Variants in KDM4B observed in about 807,000 individuals in gnomAD.
KDM4B encodes lysine demethylase 4B.
A neutral mutation model predicts 125.2 loss-of-function variants in KDM4B; 32 were observed. The observed-to-expected ratio is 0.26, with a 90% CI of 0.19 to 0.34. The LOEUF (loss-of-function observed/expected upper bound fraction) is 0.34. Ranked by LOEUF, KDM4B falls within the 10% of genes least tolerant of loss-of-function variation. The pLI is 1.00. For missense variants in KDM4B, 1,190 were observed against 1,577.7 expected (o/e 0.75, Z 4.16); for synonymous variants, 721 against 677.9 (o/e 1.06, Z -0.99).
At chr19:5,094,409 G>A (rs939431146) in intron 9 of KDM4B, among the ~76,000 whole-genome samples, 1 of 152,220 alleles carries the variant, frequency 6.6e-6, no homozygotes, top group Non-Finnish European at 1.5e-5. Flanking sequence ...GGCCTTTGAA[G>A]TTAGATTTCA....
chr19:5,135,236 G>A, intron 14 of KDM4B, 103 bp from the exon 15 acceptor site: 1 of 726,422 alleles, frequency 1.4e-6, no homozygotes, highest in South Asian at 1.8e-5. Context: ...CCAGAGCCAG[G>A]GGGTGTCGAA....
intron 9 of KDM4B, among the ~76,000 whole-genome samples, chr19:5,088,103 C>T (rs751668519): frequency 1.8e-4 from 28 of 152,200 alleles, no homozygotes; most frequent in Non-Finnish European, 1.3e-4. Flanking sequence ...CACTGCCTGC[C>T]GGAGAGCAGG....
intron 9 of KDM4B, among the ~76,000 whole-genome samples, chr19:5,088,658 CCCCCCCT>C (rs1467842517): frequency 2.0e-5 from 2 of 98,740 alleles, no homozygotes; most frequent in African/African-American, 7.4e-5. Flanking sequence ...AGGCCAGGCC[CCCCCCCT>C]CCCCCCCCCC....
At chr19:5,110,898 C>T in intron 10 of KDM4B, 80 bp downstream of exon 10, 1 of 1,151,038 alleles carries the variant, frequency 8.7e-7, no homozygotes, top group Non-Finnish European at 1.2e-6. Flanking sequence ...CCCCTTCCCA[C>T]TGGCAGGGGC....
chr19:5,120,979 G>A (rs76754773), intron 11 of KDM4B, among the ~76,000 whole-genome samples: 76 of 152,298 alleles, frequency 5.0e-4, no homozygotes, highest in Non-Finnish European at 7.9e-4. Flanking sequence ...TCTCCAGGAC[G>A]CGCTGGTGCC....
Position 5,079,668 on chromosome 19 carries a change from A to T in KDM4B, c.780+2198A>T, listed in dbSNP as rs942615782. Among the ~76,000 whole-genome samples, 5 of 152,338 alleles carry T rather than the reference A, an allele frequency of 3.3e-5. No individual in the cohort carries two copies. In the East Asian group the frequency reaches 5.8e-4, roughly 18 times the overall value. On this transcript the variant is annotated intron_variant, in intron 8 of 22. Transcript: ENST00000159111. Reference sequence around the variant, plus strand: ...GGCCTTAGAGCAGGTGGTCAGGGAAAAGCCTTTCCGAAGCCGGCTCAAATA... The same window carrying T: ...GGCCTTAGAGCAGGTGGTCAGGGAATAGCCTTTCCGAAGCCGGCTCAAATA...
chr19:4,970,005 TGAG>T (rs1238783560), intron 1 of KDM4B, among the ~76,000 whole-genome samples: 2 of 151,894 alleles, frequency 1.3e-5, no homozygotes, highest in South Asian at 2.1e-4. Context: ...AGAAATGAAT[TGAG>T]GAGTTGCTTC....
chr19:5,043,756 GTA>G (rs2036921192), intron 5 of KDM4B, among the ~76,000 whole-genome samples: 1 of 99,298 alleles, frequency 1.0e-5, no homozygotes, highest in Non-Finnish European at 2.0e-5. Context: ...GGTGTCCACT[GTA>G]TCCCGCGTGG....
At position 5,035,880 on chromosome 19, in the gene KDM4B, T is replaced by TGTGTGTGTGTGTGTGTGTGTGTGCGCGC. The variant is rs58219404; in HGVS notation, c.141+2850_141+2851insTGTGTGTGTGTGTGTGTGTGTGCGCGCG. ...ACGTGTCTCTGTGTGTGTGTGTGTGTGCGCGCGCGCGCGCGCCTGCGCGCA... is the reference window on the plus strand; with the variant it reads ...ACGTGTCTCTGTGTGTGTGTGTGTGTGTGTGTGTGTGTGTGTGTGTGTGCGCGCGCGCGCGCGCGCGCGCCTGCGCGCA... On this transcript the variant is annotated intron_variant, in intron 3 of 22. Coordinates refer to ENST00000159111, the MANE Select transcript of KDM4B (RefSeq NM_015015.3). This position sits in a 1 kb window ranked among gnomAD's most constrained non-coding sequence, Gnocchi z 5.3. Among the ~76,000 whole-genome samples, 3 of 136,398 alleles carry TGTGTGTGTGTGTGTGTGTGTGTGCGCGC rather than the reference T, an allele frequency of 2.2e-5. No homozygotes were observed. The highest frequency in any genetic ancestry group is 7.9e-5 in the African/African-American group (3 of 37,792). The allele number at this position is 136,398 out of a possible 152,430, so 89.5% of individuals were successfully genotyped here. A position where few individuals can be genotyped will look rare whatever the true frequency, so the allele number is the denominator to read the frequency against.
intron 8 of KDM4B, chr19:5,080,575 G>C (rs577033988): frequency 2.6e-5 from 4 of 152,286 alleles, no homozygotes; most frequent in Admixed American, 2.6e-4. Context: ...GGAGGGCGCA[G>C]CTGCACGCTG....
At chr19:5,041,764 G>A (rs1009263414) in intron 5 of KDM4B, among the ~76,000 whole-genome samples, 4 of 152,250 alleles carry the variant, frequency 2.6e-5, no homozygotes, top group Non-Finnish European at 5.9e-5. Flanking sequence ...GGCATCCCCA[G>A]AGTCCCAGCC....
intron 9 of KDM4B, among the ~76,000 whole-genome samples, chr19:5,088,860 C>T (rs1476992572): frequency 6.6e-6 from 1 of 152,172 alleles, no homozygotes; most frequent in Non-Finnish European, 1.5e-5. Flanking sequence ...TGGGAGCTGA[C>T]CTTACCATCT....
intron 9 of KDM4B, among the ~76,000 whole-genome samples, chr19:5,089,351 C>T (rs2038614050): frequency 6.6e-6 from 1 of 152,162 alleles, no homozygotes; most frequent in Non-Finnish European, 1.5e-5. Context: ...CACGTGCATA[C>T]CGGTTCCATG....
intron 1 of KDM4B, among the ~76,000 whole-genome samples, chr19:5,003,637 C>T (rs1390275006): frequency 6.6e-6 from 1 of 151,430 alleles, no homozygotes; most frequent in Admixed American, 6.6e-5. Flanking sequence ...GGTGAAACCC[C>T]GTCTCTACTA....
At chr19:5,147,783 G>T (rs528927938) in intron 21 of KDM4B, among the ~76,000 whole-genome samples, 3 of 151,460 alleles carry the variant, frequency 2.0e-5, no homozygotes, top group African/African-American at 7.3e-5. Context: ...CAGAGTGCTC[G>T]GGGCGGGGGG....
chr19:5,131,854 G>A (rs374335108), intron 12 of KDM4B, 33 bp from the exon 13 acceptor site: 74 of 1,612,436 alleles, frequency 4.6e-5, no homozygotes, highest in Middle Eastern at 1.7e-4. Flanking sequence ...GGTCTGTAGC[G>A]GGGCCCTCAC....
chr19:5,082,713 G>GGGTGGACGAT lies in KDM4B; in HGVS notation c.918+215_918+224dup, dbSNP rs1568284199. Among the ~76,000 whole-genome samples the GGGTGGACGAT allele has an allele frequency of 2.0e-5, 3 of 152,210 alleles. No individual in the cohort carries two copies. The highest frequency in any genetic ancestry group is 4.4e-5 in the Non-Finnish European group (3 of 68,026). On this transcript the variant is annotated intron_variant, in intron 9 of 22. Transcript: ENST00000159111. This position sits in a 1 kb window ranked among gnomAD's most constrained non-coding sequence, Gnocchi z 5.4. ...AGACTGGAGAGGAGGTGGGCAGGTC[G>GGGTGGACGAT]GGTGGACGATGGTGGCCCAGGGCCC...
intron 9 of KDM4B, among the ~76,000 whole-genome samples, chr19:5,099,496 TAG>T (rs1215751724): frequency 6.6e-6 from 1 of 152,176 alleles, no homozygotes; most frequent in African/African-American, 2.4e-5. Flanking sequence ...CAAGGAGCAG[TAG>T]ATGAACTGGA....
intron 21 of KDM4B, among the ~76,000 whole-genome samples, chr19:5,147,357 G>A (rs1184472876): frequency 1.3e-5 from 2 of 152,214 alleles, no homozygotes; most frequent in African/African-American, 4.8e-5. Context: ...CGAAGGAAGT[G>A]CTCCCAGGAT....
Sources: gnomAD v4.1 joint callset for allele counts (sites outside exome capture counted in the v4.1 genomes callset) on GRCh38, gnomAD v4.1.1 for gene constraint, Gnocchi (gnomAD v3.1) non-coding constraint, MANE v1.5 for transcripts, NCBI Gene and HGNC (gene_info 2026-07-23, HGNC 2026-07-21) for gene names.